LINGO1: variants seen among roughly 807,000 people sequenced by gnomAD.
The protein encoded by LINGO1 is leucine-rich repeat and immunoglobulin-like domain-containing nogo receptor-interacting protein 1.
In LINGO1, 11 loss-of-function variants were observed where a neutral mutation model predicts 37.3. The observed-to-expected ratio is 0.29, with a 90% CI of 0.19 to 0.49. The LOEUF (loss-of-function observed/expected upper bound fraction) is 0.49. Ranked by LOEUF, LINGO1 falls within the 20% of genes least tolerant of loss-of-function variation. The pLI is 0.99. For missense variants in LINGO1, 585 were observed against 878.2 expected (o/e 0.67, Z 4.22); for synonymous variants, 387 against 403.0 (o/e 0.96, Z 0.48).
intron 2 of LINGO1, among the ~76,000 whole-genome samples, chr15:77,685,371 C>T (rs1218603961): frequency 1.3e-5 from 2 of 152,152 alleles, no homozygotes; most frequent in Non-Finnish European, 2.9e-5. Flanking sequence ...ATAACCCAAC[C>T]TCACAGACTG....
At chr15:77,756,358 C>G (rs554936347) in intron 1 of LINGO1, among the ~76,000 whole-genome samples, 1 of 152,308 alleles carries the variant, frequency 6.6e-6, no homozygotes, top group East Asian at 1.9e-4. Context: ...AACATGTCCA[C>G]ACACAGAGGA....
At chr15:77,688,401 C>CCTCT (rs2075547689) in intron 2 of LINGO1, among the ~76,000 whole-genome samples, 1 of 152,206 alleles carries the variant, frequency 6.6e-6, no homozygotes, top group South Asian at 2.1e-4. Flanking sequence ...ATTTAATTAC[C>CCTCT]AGAGGATTGG....
chr15:77,661,817 C>A (rs1297908177), intron 3 of LINGO1, among the ~76,000 whole-genome samples: 2 of 152,246 alleles, frequency 1.3e-5, no homozygotes, highest in Non-Finnish European at 2.9e-5. Context: ...AGCCCTCTAC[C>A]TTTGCTGGGC....
chr15:77,716,431 C>T (rs529636627), intron 2 of LINGO1, among the ~76,000 whole-genome samples: 1 of 149,440 alleles, frequency 6.7e-6, no homozygotes, highest in African/African-American at 2.4e-5. Context: ...CAGGTGTGCA[C>T]CAGCACACCC....
chr15:77,672,858 C>G (rs7177008), intron 3 of LINGO1, among the ~76,000 whole-genome samples: 42,577 of 152,084 alleles, frequency 0.28, 7,054 homozygotes, highest in African/African-American at 0.46. Context: ...CACTCCTTCC[C>G]CCTCCTCACA....
chr15:77,760,916 CTTTTTTTTTTTTT>C (rs34524098), intron 1 of LINGO1, among the ~76,000 whole-genome samples: 3 of 96,398 alleles, frequency 3.1e-5, no homozygotes, highest in African/African-American at 9.8e-5. Context: ...TAATAAGTAT[CTTTTTTTTTTTTT>C]TTTTTTTTTT....
chr15:77,771,048 G>T (rs1053547701), intron 1 of LINGO1, among the ~76,000 whole-genome samples: 2 of 152,176 alleles, frequency 1.3e-5, no homozygotes, highest in South Asian at 2.1e-4. Flanking sequence ...AGTGAGGCAG[G>T]GTCAGAGAGA....
chr15:77,804,892 G>A lies in LINGO1; in HGVS notation c.-457-8839C>T, dbSNP rs118016660. ...TGACAGGAGTGAGAGGGTTCATTAT[G>A]AGCCTGGGGCCAAGGGAGCCCAAGG... is the stretch of plus-strand genomic sequence containing the variant. On this transcript the variant is annotated intron_variant, in intron 1 of 5. Coordinates refer to the LINGO1 transcript ENST00000562933. 5.8e-3 allele frequency among the ~76,000 whole-genome samples: 888 copies of A among 152,308 alleles called. 8 individuals are homozygous for A. Among genetic ancestry groups the A allele is most frequent in the South Asian group, 0.011 (53 of 4,820 alleles).
intron 1 of LINGO1, among the ~76,000 whole-genome samples, chr15:77,815,809 C>T (rs1240512514): frequency 6.6e-6 from 1 of 152,176 alleles, no homozygotes; most frequent in African/African-American, 2.4e-5. Context: ...TCCTCCAGAA[C>T]TTCAACGCTG....
At chr15:77,669,068 G>A (rs549917656) in intron 3 of LINGO1, among the ~76,000 whole-genome samples, 8 of 152,238 alleles carry the variant, frequency 5.3e-5, no homozygotes, top group Non-Finnish European at 1.2e-4. Context: ...GCATGTCAGG[G>A]TATAATTACC....
chr15:77,698,577 C>G (rs947471815), upstream of LINGO1, among the ~76,000 whole-genome samples: 3 of 152,164 alleles, frequency 2.0e-5, no homozygotes, highest in African/African-American at 7.2e-5. Flanking sequence ...GGCTCATGGT[C>G]CTCCGGGGCA....
At chr15:77,667,376 G>T (rs922229728) in intron 3 of LINGO1, among the ~76,000 whole-genome samples, 4 of 152,322 alleles carry the variant, frequency 2.6e-5, no homozygotes, top group Admixed American at 2.6e-4. Context: ...CAGGGATGTG[G>T]AGCCTGCTCT....
At chr15:77,763,897 C>A (rs1254699764) in intron 1 of LINGO1, among the ~76,000 whole-genome samples, 1 of 152,106 alleles carries the variant, frequency 6.6e-6, no homozygotes, top group Non-Finnish European at 1.5e-5. Context: ...GGCCGCTCAT[C>A]CCCCCTTCCC....
In LINGO1 at chr15:77,632,722, G is replaced by A. The variant is rs2074299903; in HGVS notation, c.-407C>T. Among the ~76,000 whole-genome samples, 1 of 145,658 alleles carries A rather than the reference G, an allele frequency of 6.9e-6. No homozygotes were observed. The highest frequency in any genetic ancestry group is 1.5e-5 in the Non-Finnish European group (1 of 65,624). ...GCCGGGGCCGGCGGGCAGCGGCCGC[G>A]CATGCTGCTCGGCGCCCCGCGTCGG... On this transcript the variant is annotated 5_prime_UTR_variant, in exon 1 of 2. Transcript: ENST00000355300. The surrounding 1 kb of genome is among the most constrained non-coding windows in gnomAD (Gnocchi z 6.0).
upstream of LINGO1, among the ~76,000 whole-genome samples, chr15:77,787,530 C>G (rs888233053): frequency 1.5e-5 from 2 of 135,964 alleles, no homozygotes; most frequent in Non-Finnish European, 3.2e-5. Flanking sequence ...CCCACGCATG[C>G]GGCTCAGGCT....
chr15:77,622,371 G>A (rs2073949514), intron 1 of LINGO1, among the ~76,000 whole-genome samples: 1 of 152,194 alleles, frequency 6.6e-6, no homozygotes, highest in Non-Finnish European at 1.5e-5. Context: ...TTGTCCTGCA[G>A]GCACAACTAC....
At chr15:77,785,702 C>A (rs2076764449) in intron 1 of LINGO1, among the ~76,000 whole-genome samples, 1 of 152,158 alleles carries the variant, frequency 6.6e-6, no homozygotes, top group African/African-American at 2.4e-5. Flanking sequence ...TATTCCCAAC[C>A]ACACGTGCTC....
chr15:77,637,890 A>T (rs2074426508), upstream of LINGO1, among the ~76,000 whole-genome samples: 2 of 152,200 alleles, frequency 1.3e-5, no homozygotes, highest in African/African-American at 4.8e-5. The surrounding 1 kb of genome is among the most constrained non-coding windows in gnomAD (Gnocchi z 4.6). Context: ...AAGTCTCTTA[A>T]TCAGGAAGGC....
At chr15:77,746,726 T>G (rs1230569774) in intron 1 of LINGO1, among the ~76,000 whole-genome samples, 2 of 152,144 alleles carry the variant, frequency 1.3e-5, no homozygotes, top group Admixed American at 6.5e-5. Flanking sequence ...GATGGCACCA[T>G]TCAGGAAGAA....
Sources: allele counts gnomAD v4.1 joint callset (sites outside exome capture counted in the v4.1 genomes callset), GRCh38; gene constraint gnomAD v4.1.1; non-coding constraint Gnocchi (gnomAD v3.1); transcripts MANE v1.5; gene names NCBI Gene and HGNC (gene_info 2026-07-23, HGNC 2026-07-21).